Variants in GSAP observed in about 807,000 individuals in gnomAD.
GSAP encodes gamma-secretase activating protein, also known as gamma-secretase-activating protein.
Under a neutral mutation model 131.7 loss-of-function variants are expected in GSAP, and 118 were observed. The observed-to-expected ratio is 0.90, with a 90% confidence interval of 0.77 to 1.04. The LOEUF (loss-of-function observed/expected upper bound fraction) is 1.04. GSAP is among the 50% of genes least tolerant of loss of function. GSAP has a pLI of 0.00. For synonymous variants in GSAP, 381 were observed against 363.4 expected (o/e 1.05, Z -0.55); for missense variants, 1,019 against 1,013.2 (o/e 1.01, Z -0.08).
At chr7:77,349,868 T>G (rs1792522159) in intron 18 of GSAP, among the ~76,000 whole-genome samples, 1 of 152,138 alleles carries the variant, frequency 6.6e-6, no homozygotes, top group South Asian at 2.1e-4. Flanking sequence ...ATGACTTGAC[T>G]GGGTAATTTT....
rs559700107 is a variant in GSAP, at chr7:77,394,683, C to T, written c.367+2299G>A. Among the ~76,000 whole-genome samples, 8 of 152,324 alleles carry T rather than the reference C, an allele frequency of 5.3e-5. No homozygotes were observed. In the East Asian group the frequency reaches 1.3e-3, roughly 26 times the overall value. On this transcript the variant is annotated intron_variant, in intron 5 of 30. Transcript: ENST00000257626. ...ATTAGTGACCACCTTGGATTTTAAG[C>T]TGCTTGGAGTACACCTCACAATTAC...
At chr7:77,375,855 A>AAAC (rs1554413594) in intron 10 of GSAP, among the ~76,000 whole-genome samples, 61 of 151,834 alleles carry the variant, frequency 4.0e-4, no homozygotes, top group African/African-American at 1.4e-3. Context: ...AAAAAAAAAA[A>AAAC]AAACAAACAA....
intron 14 of GSAP, among the ~76,000 whole-genome samples, chr7:77,360,471 G>C (rs1794364466): frequency 6.6e-6 from 1 of 152,142 alleles, no homozygotes; most frequent in African/African-American, 2.4e-5. Context: ...GGGATAACAT[G>C]ATGTATTATT....
At chr7:77,315,984 G>C (rs894646798) in intron 26 of GSAP, 1 of 152,200 alleles carries the variant, frequency 6.6e-6, no homozygotes, top group African/African-American at 2.4e-5. Flanking sequence ...CCAGTTCTGT[G>C]CTTATGAGTG....
chr7:77,359,097 G>A (rs1000236424), intron 14 of GSAP, among the ~76,000 whole-genome samples: 1 of 152,138 alleles, frequency 6.6e-6, no homozygotes, highest in Non-Finnish European at 1.5e-5. Flanking sequence ...TGAGGCAGAG[G>A]TGGAGGTTGC....
At chr7:77,320,671 A>T in intron 26 of GSAP, 54 bp downstream of exon 26, 1 of 1,005,988 alleles carries the variant, frequency 9.9e-7, no homozygotes, top group Non-Finnish European at 1.6e-6. Flanking sequence ...GCAAGGGCCC[A>T]TATGAAGAAG....
At chr7:77,374,294 G>A in intron 11 of GSAP, 139 bp from the exon 12 acceptor site, 2 of 541,288 alleles carry the variant, frequency 3.7e-6, no homozygotes, top group Non-Finnish European at 6.5e-6. Flanking sequence ...AACTTTTTTT[G>A]GTTAATAAAT....
intron 1 of GSAP, among the ~76,000 whole-genome samples, chr7:77,413,331 G>C (rs1303429400): frequency 1.3e-5 from 2 of 152,188 alleles, no homozygotes; most frequent in South Asian, 2.1e-4. Context: ...GTTTCACGTG[G>C]TCCATACCCA....
chr7:77,325,425 C>A (rs1584262483), intron 23 of GSAP, among the ~76,000 whole-genome samples: 1 of 152,202 alleles, frequency 6.6e-6, no homozygotes, highest in East Asian at 1.9e-4. Context: ...TTCCAGATGT[C>A]TCTTTAATCA....
intron 26 of GSAP, among the ~76,000 whole-genome samples, chr7:77,317,295 A>T (rs113234347): frequency 1.4e-5 from 2 of 146,354 alleles, no homozygotes; most frequent in Non-Finnish European, 3.0e-5. Flanking sequence ...AACACCACAC[A>T]TTCTCACTCA....
intron 24 of GSAP, among the ~76,000 whole-genome samples, chr7:77,323,415 T>C (rs1316978095): frequency 6.6e-6 from 1 of 152,174 alleles, no homozygotes; most frequent in African/African-American, 2.4e-5. Flanking sequence ...CATGGGTATA[T>C]AATCAGTATT....
intron 19 of GSAP, among the ~76,000 whole-genome samples, chr7:77,349,078 G>A (rs748932101): frequency 2.6e-5 from 4 of 152,132 alleles, no homozygotes; most frequent in Non-Finnish European, 4.4e-5. Flanking sequence ...GAGGTACAGT[G>A]GCAAGTGCTG....
At chr7:77,408,436 C>T (rs530164837) in intron 1 of GSAP, among the ~76,000 whole-genome samples, 17 of 152,196 alleles carry the variant, frequency 1.1e-4, no homozygotes, top group East Asian at 7.7e-4. Flanking sequence ...CAGTGGCTCA[C>T]GCCTGTAATC....
intron 5 of GSAP, among the ~76,000 whole-genome samples, chr7:77,395,580 T>A (rs1367914539): frequency 6.6e-6 from 1 of 151,982 alleles, no homozygotes; most frequent in African/African-American, 2.4e-5. Flanking sequence ...TCTCAGTATA[T>A]CATGGCAGGG....
intron 19 of GSAP, among the ~76,000 whole-genome samples, chr7:77,342,971 T>C (rs1015737212): frequency 6.6e-6 from 1 of 152,152 alleles, no homozygotes; most frequent in African/African-American, 2.4e-5. Flanking sequence ...TCCTAAATCC[T>C]TTCCCCACTC....
chr7:77,405,253 T>C (rs564765014), intron 2 of GSAP, among the ~76,000 whole-genome samples: 15 of 152,366 alleles, frequency 9.8e-5, no homozygotes, highest in African/African-American at 3.1e-4. Flanking sequence ...TCAGCTATGA[T>C]TGTGCCACCA....
chr7:77,396,875 G>A (rs1800483956), intron 5 of GSAP, 107 bp downstream of exon 5: 3 of 608,652 alleles, frequency 4.9e-6, no homozygotes, highest in African/African-American at 3.8e-5. Context: ...TCTGAGATAC[G>A]ATAAGGCTAT....
chr7:77,333,009 A>T (rs184950101), intron 19 of GSAP, among the ~76,000 whole-genome samples: 1 of 152,264 alleles, frequency 6.6e-6, no homozygotes, highest in Non-Finnish European at 1.5e-5. Context: ...TCTACTAAAA[A>T]TACAAAAATT....
intron 18 of GSAP, among the ~76,000 whole-genome samples, chr7:77,350,037 T>G (rs1192046565): frequency 2.0e-5 from 3 of 151,852 alleles, no homozygotes; most frequent in Admixed American, 2.0e-4. Flanking sequence ...CCAACAATGA[T>G]AGACTGGATT....
Sources: gnomAD v4.1 joint callset for allele counts (sites outside exome capture counted in the v4.1 genomes callset) on GRCh38, gnomAD v4.1.1 for gene constraint, MANE v1.5 for transcripts, NCBI Gene and HGNC (gene_info 2026-07-23, HGNC 2026-07-21) for gene names.